Variants in ANKRD30B observed in about 807,000 individuals in gnomAD.
The protein encoded by ANKRD30B is ankyrin repeat domain 30B.
In ANKRD30B, 144 loss-of-function variants were observed where a neutral mutation model predicts 202.2. The observed-to-expected ratio is 0.71, with a 90% CI of 0.62 to 0.82. ANKRD30B has a LOEUF of 0.82. Among genes scored for constraint, ANKRD30B ranks in the 40% least tolerant of loss-of-function variants. The pLI is 0.00. For missense variants in ANKRD30B, 1,487 were observed against 1,669.1 expected (o/e 0.89, Z 1.90); for synonymous variants, 508 against 561.3 (o/e 0.91, Z 1.34).
At chr18:14,880,838 T>C in the ANKRD30B span, among the ~76,000 whole-genome samples, 1 of 152,234 alleles carries the variant, frequency 6.6e-6, no homozygotes, top group Non-Finnish European at 1.5e-5. Context: ...TTGTTTGTTT[T>C]TTGCAGCTAT....
chr18:14,938,318 T>A, the ANKRD30B span, among the ~76,000 whole-genome samples: 53 of 152,324 alleles, frequency 3.5e-4, no homozygotes, highest in African/African-American at 1.2e-3. Flanking sequence ...AAACTAAGTA[T>A]TCTCTTCTTT....
At chr18:14,924,729 G>A in the ANKRD30B span, among the ~76,000 whole-genome samples, 2 of 152,184 alleles carry the variant, frequency 1.3e-5, no homozygotes, top group African/African-American at 4.8e-5. Context: ...CCCCAGTGTC[G>A]GGGCTGTCTC....
At chr18:14,795,827 T>A (rs1275599864) in intron 16 of ANKRD30B, among the ~76,000 whole-genome samples, 1 of 151,984 alleles carries the variant, frequency 6.6e-6, no homozygotes, top group Non-Finnish European at 1.5e-5. Flanking sequence ...CAATATGCCA[T>A]AGCATTCTTC....
intron 7 of ANKRD30B, among the ~76,000 whole-genome samples, chr18:14,765,180 G>A (rs79727153): frequency 0.015 from 2,234 of 152,164 alleles, 61 homozygotes; most frequent in African/African-American, 0.051. Context: ...ATGTTAGACC[G>A]CTGGGTGTGG....
At chr18:14,858,742 T>C (rs1450165803), downstream of ANKRD30B, among the ~76,000 whole-genome samples, 190 of 93,498 alleles carry the variant, frequency 2.0e-3, no homozygotes, top group East Asian at 0.011. Flanking sequence ...TGGGCAGAGG[T>C]GCTCCTCACC....
At chr18:14,797,244 G>C (rs2143972952) in intron 18 of ANKRD30B, among the ~76,000 whole-genome samples, 1 of 152,150 alleles carries the variant, frequency 6.6e-6, no homozygotes, top group South Asian at 2.1e-4. Context: ...TCTCCACAAG[G>C]GTAGGATTCC....
intron 16 of ANKRD30B, among the ~76,000 whole-genome samples, chr18:14,795,515 G>C (rs1475342914): frequency 4.6e-5 from 7 of 152,110 alleles, no homozygotes; most frequent in Admixed American, 2.0e-4. Context: ...TTTGTGGATG[G>C]GTGTGCTTTG....
chr18:14,862,847 G>A, the ANKRD30B span, among the ~76,000 whole-genome samples: 1 of 152,246 alleles, frequency 6.6e-6, no homozygotes, highest in Non-Finnish European at 1.5e-5. Flanking sequence ...TGCCCTGGAT[G>A]CGGGACATGA....
chr18:14,779,096 G>C (rs1348101327), intron 10 of ANKRD30B, among the ~76,000 whole-genome samples: 1 of 152,188 alleles, frequency 6.6e-6, no homozygotes, highest in African/African-American at 2.4e-5. Flanking sequence ...CAGGACACGG[G>C]ATAAGAGAGA....
the ANKRD30B span, among the ~76,000 whole-genome samples, chr18:14,920,665 T>C: frequency 4.6e-5 from 7 of 152,228 alleles, no homozygotes; most frequent in Non-Finnish European, 7.3e-5. Context: ...AGGTCCTGCC[T>C]GATCCTAAGA....
intron 30 of ANKRD30B, chr18:14,816,779 G>GC (rs1970132596): frequency 6.6e-6 from 1 of 152,034 alleles, no homozygotes; most frequent in African/African-American, 2.4e-5. Context: ...ACACTACGCA[G>GC]CCATAAAAAA....
At chr18:14,868,376 G>A in the ANKRD30B span, among the ~76,000 whole-genome samples, 1 of 152,296 alleles carries the variant, frequency 6.6e-6, no homozygotes, top group African/African-American at 2.4e-5. Context: ...CCAGGTGTGA[G>A]TGGCAGCATT....
At chr18:14,797,054 G>C (rs1009603177) in intron 18 of ANKRD30B, among the ~76,000 whole-genome samples, 1 of 152,116 alleles carries the variant, frequency 6.6e-6, no homozygotes, top group Non-Finnish European at 1.5e-5. Context: ...AGCAAAAGCT[G>C]GTTACAAACA....
the ANKRD30B span, among the ~76,000 whole-genome samples, chr18:14,940,136 G>T: frequency 2.6e-5 from 4 of 152,184 alleles, no homozygotes; most frequent in Non-Finnish European, 5.9e-5. Flanking sequence ...CTCACCCAGG[G>T]TGAGGTCCAT....
the ANKRD30B span, among the ~76,000 whole-genome samples, chr18:14,923,858 C>T: frequency 6.6e-6 from 1 of 152,202 alleles, no homozygotes; most frequent in Non-Finnish European, 1.5e-5. Context: ...AGAGGGGTGA[C>T]ACCAGTAGTA....
At chr18:14,790,938 A>G (rs539906454) in intron 15 of ANKRD30B, among the ~76,000 whole-genome samples, 1 of 151,962 alleles carries the variant, frequency 6.6e-6, no homozygotes, top group Non-Finnish European at 1.5e-5. Flanking sequence ...CTCTTTTTCT[A>G]TTGATTGGAA....
chr18:14,786,539 A>T (rs1568009311), intron 14 of ANKRD30B, among the ~76,000 whole-genome samples: 1 of 152,236 alleles, frequency 6.6e-6, no homozygotes, highest in Admixed American at 6.5e-5. Flanking sequence ...ATTGAAATGT[A>T]AAAGGGTTGG....
At chr18:14,893,559 C>T in the ANKRD30B span, among the ~76,000 whole-genome samples, 2 of 151,624 alleles carry the variant, frequency 1.3e-5, no homozygotes, top group Non-Finnish European at 2.9e-5. Flanking sequence ...TGCAGTGAGC[C>T]GAGATTTCAC....
At chr18:14,808,295 T>C (rs1485115013) in intron 24 of ANKRD30B, 1 of 481,472 alleles carries the variant, frequency 2.1e-6, no homozygotes, top group Non-Finnish European at 3.9e-6. Context: ...ACTTTAGTTA[T>C]TGTCAGTTGA....
Sources: gnomAD v4.1 joint callset for allele counts (sites outside exome capture counted in the v4.1 genomes callset) on GRCh38, gnomAD v4.1.1 for gene constraint, MANE v1.5 for transcripts, NCBI Gene and HGNC (gene_info 2026-07-23, HGNC 2026-07-21) for gene names.